Variants in PDE4C observed in about 807,000 individuals in gnomAD.
PDE4C encodes the protein 3',5'-cyclic-AMP phosphodiesterase 4C.
A neutral mutation model predicts 63.9 loss-of-function variants in PDE4C; 50 were observed. That is an observed-to-expected ratio of 0.78 (90% CI 0.62 to 0.99). PDE4C has a LOEUF of 0.99. Ranked by LOEUF, PDE4C falls within the 50% of genes least tolerant of loss-of-function variation. The probability of loss-of-function intolerance (pLI) is 0.00; values close to 1 mark genes in which losing one functional copy is unlikely to be tolerated. For synonymous variants in PDE4C, 377 were observed against 385.1 expected, an observed-to-expected ratio of 0.98 and a Z score of 0.25; for missense variants, 777 against 899.1, an observed-to-expected ratio of 0.86 and a Z score of 1.74.
At chr19:18,231,426 G>C (rs1968844844), upstream of PDE4C, among the ~76,000 whole-genome samples, 1 of 152,198 alleles carries the variant, frequency 6.6e-6, no homozygotes, top group Non-Finnish European at 1.5e-5. Flanking sequence ...AGAAGGGATG[G>C]GGAAGGAGGA....
At position 18,246,852 on chromosome 19, in the gene PDE4C, G is replaced by A. The variant is rs148754132; in HGVS notation, c.-210+1319C>T. Among the ~76,000 whole-genome samples, 633 of 152,262 alleles carry A rather than the reference G, an allele frequency of 4.2e-3. 7 individuals are homozygous for A. The highest frequency in any genetic ancestry group is 0.015 in the African/African-American group (603 of 41,550). The stretch of plus-strand genomic sequence containing the variant: ...TGAGGGAGGAGAATCACTTAAACCC[G>A]GGAAGCAGAGATGGCAGAGAGCAAA... On this transcript the variant is annotated intron_variant, in intron 1 of 15. Coordinates refer to the PDE4C transcript ENST00000594617.
At chr19:18,208,187 A>G (rs1409685155), downstream of PDE4C, 1 of 152,204 alleles carries the variant, frequency 6.6e-6, no homozygotes, top group Admixed American at 6.5e-5. Context: ...ATTAACTGTG[A>G]TGATGATGAA....
intron 1 of PDE4C, among the ~76,000 whole-genome samples, chr19:18,222,632 CT>C (rs369848710): frequency 0.32 from 39,861 of 126,170 alleles, 6,381 homozygotes; most frequent in Non-Finnish European, 0.36. Flanking sequence ...TTCTCTCTTT[CT>C]TTTTTTTTTT....
upstream of PDE4C, among the ~76,000 whole-genome samples, chr19:18,251,002 A>G (rs1197632041): frequency 6.7e-6 from 1 of 149,958 alleles, no homozygotes; most frequent in East Asian, 2.0e-4. Flanking sequence ...TCTTGAACTC[A>G]TTGGCTCAGG....
chr19:18,239,922 A>G (rs990924350), intron 1 of PDE4C, among the ~76,000 whole-genome samples: 3 of 151,874 alleles, frequency 2.0e-5, no homozygotes, highest in Non-Finnish European at 4.4e-5. Flanking sequence ...GCTACTTGGG[A>G]CGCTGAGGAA....
Position 18,220,066 on chromosome 19 carries a change from T to C in PDE4C, c.706+160A>G. ...CTTTAATGTCCCCTGCTCCTGGAAG[T>C]TCCCCTTGTTCCTCCCTCTGATCCA... On this transcript the variant is annotated intron_variant, in intron 7 of 14. Coordinates refer to ENST00000262805, the Ensembl canonical transcript of PDE4C. This position sits in a 1 kb window ranked among gnomAD's most constrained non-coding sequence, Gnocchi z 5.1. 7 of 666,400 alleles carry C rather than the reference T, an allele frequency of 1.1e-5. No individual in the cohort carries two copies. Among genetic ancestry groups the C allele is most frequent in the African/African-American group, 1.8e-5 (1 of 55,686 alleles). The allele number at this position is 666,400 out of a possible 1,614,324, so 41.3% of individuals were successfully genotyped here.
At chr19:18,235,898 G>A (rs1437594314), upstream of PDE4C, among the ~76,000 whole-genome samples, 1 of 151,824 alleles carries the variant, frequency 6.6e-6, no homozygotes, top group Non-Finnish European at 1.5e-5. Flanking sequence ...CCCACTGGTT[G>A]ACTTCTCTTC....
chr19:18,249,863 G>A (rs181571493), upstream of PDE4C: 1,966 of 346,036 alleles, frequency 5.7e-3, 11 homozygotes, highest in Non-Finnish European at 7.9e-3. Flanking sequence ...GTGAACCACC[G>A]CACCCAGCCA....
At chr19:18,251,190 A>G (rs575421535), upstream of PDE4C, among the ~76,000 whole-genome samples, 1 of 151,300 alleles carries the variant, frequency 6.6e-6, no homozygotes, top group South Asian at 2.1e-4. Flanking sequence ...CAGTGGTTCA[A>G]TGTGGGCTCA....
At chr19:18,233,357 C>G (rs867881478) in exon 1 of PDE4C, 6 of 906,452 alleles carry the variant, frequency 6.6e-6, no homozygotes, top group Middle Eastern at 2.1e-4. Context: ...AACTGGGGCT[C>G]AAGGTGGGGC....
intron 1 of PDE4C, among the ~76,000 whole-genome samples, chr19:18,242,740 G>A (rs1454723626): frequency 2.1e-5 from 3 of 142,916 alleles, no homozygotes; most frequent in African/African-American, 7.9e-5. Flanking sequence ...AGCCAAGATC[G>A]CACCACTGCA....
At chr19:18,227,417 T>G (rs1283789805), upstream of PDE4C, among the ~76,000 whole-genome samples, 1 of 152,052 alleles carries the variant, frequency 6.6e-6, no homozygotes, top group Non-Finnish European at 1.5e-5. Context: ...TGTCTCCTCC[T>G]AGACAAACAT....
chr19:18,219,202 C>A (rs773454784), intron 8 of PDE4C, 32 bp downstream of exon 8: 1 of 1,613,858 alleles, frequency 6.2e-7, no homozygotes, highest in Admixed American at 1.7e-5. Flanking sequence ...AGGGACCAAA[C>A]CTTGATCTTG....
chr19:18,218,060 G>A, intron 11 of PDE4C, 89 bp downstream of exon 11: 2 of 966,268 alleles, frequency 2.1e-6, no homozygotes, highest in Non-Finnish European at 3.3e-6. Flanking sequence ...TGGGCTCAGG[G>A]CAGATGGGAA....
exon 2 of PDE4C, chr19:18,222,299 C>G (rs764674577): frequency 4.3e-6 from 7 of 1,611,262 alleles, no homozygotes; most frequent in Non-Finnish European, 5.9e-6. Context: ...TCCTCCCACA[C>G]GAGAGCCCAT....
chr19:18,218,524 G>A, intron 9 of PDE4C, 26 bp from the exon 10 acceptor site: 1 of 1,613,432 alleles, frequency 6.2e-7, no homozygotes, highest in Non-Finnish European at 8.5e-7. Context: ...CCCTGGCTCA[G>A]GGCCTTGGCC....
intron 1 of PDE4C, among the ~76,000 whole-genome samples, chr19:18,232,288 G>A (rs1001551721): frequency 6.6e-6 from 1 of 152,012 alleles, no homozygotes; most frequent in Admixed American, 6.6e-5. Context: ...GCTTGAGCCT[G>A]GGAGGCAGAG....
At chr19:18,249,695 C>T (rs1311416845), upstream of PDE4C, among the ~76,000 whole-genome samples, 2 of 151,946 alleles carry the variant, frequency 1.3e-5, no homozygotes, top group Admixed American at 6.6e-5. Flanking sequence ...GCCTCAGCCT[C>T]CTGAGTAGCT....
exon 1 of PDE4C, chr19:18,233,338 A>C: frequency 1.8e-6 from 2 of 1,124,678 alleles, no homozygotes; most frequent in Non-Finnish European, 2.6e-6. Flanking sequence ...CTGAAGCGGT[A>C]GAAGGTGGAA....
Sources: gnomAD v4.1 joint callset for allele counts (sites outside exome capture counted in the v4.1 genomes callset) on GRCh38, gnomAD v4.1.1 for gene constraint, Gnocchi (gnomAD v3.1) non-coding constraint, MANE v1.5 for transcripts, NCBI Gene and HGNC (gene_info 2026-07-23, HGNC 2026-07-21) for gene names.